Variants in NDFIP2 observed in about 807,000 individuals in gnomAD.
NDFIP2 encodes the protein Nedd4 family interacting protein 2.
In NDFIP2, 19 loss-of-function variants were observed where a neutral mutation model predicts 36.0. That is an observed-to-expected ratio of 0.53 (90% CI 0.37 to 0.77). The LOEUF is 0.77. Among genes scored for constraint, NDFIP2 ranks in the 30% least tolerant of loss-of-function variants. The pLI is 0.00. For synonymous variants in NDFIP2, 181 were observed against 167.7 expected, an observed-to-expected ratio of 1.08 and a Z score of -0.61; for missense variants, 446 against 435.8, an observed-to-expected ratio of 1.02 and a Z score of -0.21.
intron 2 of NDFIP2, among the ~76,000 whole-genome samples, chr13:79,522,495 A>G (rs1028243600): frequency 1.3e-5 from 2 of 152,218 alleles, no homozygotes; most frequent in African/African-American, 4.8e-5. Flanking sequence ...CCAAAATATA[A>G]TAGAGTAAAA....
rs188524588 is a variant in NDFIP2 at position 79,525,193 on chromosome 13, G to A, written c.487+4218G>A. 6.4e-4 allele frequency among the ~76,000 whole-genome samples: 97 copies of A among 152,280 alleles called. 1 individual carries two copies. The highest frequency in any genetic ancestry group is 2.2e-3 in the African/African-American group (92 of 41,562). The stretch of plus-strand genomic sequence containing the variant: ...TTGCTGAAATCTTTGTATAGGCTCA[G>A]TGCCTTCTGGTGCAACACATTGCCA... On this transcript the variant is annotated intron_variant, in intron 2 of 7. Coordinates refer to ENST00000218652, the MANE Select transcript of NDFIP2 (RefSeq NM_019080.3).
chr13:79,481,564 C>G (rs537164968), intron 1 of NDFIP2, 40 bp downstream of exon 1: 1 of 1,515,168 alleles, frequency 6.6e-7, no homozygotes, highest in South Asian at 1.3e-5. Flanking sequence ...GACTGCCTCC[C>G]GCCGCGGCGT....
At chr13:79,540,119 A>G (rs569377957) in intron 4 of NDFIP2, among the ~76,000 whole-genome samples, 1 of 152,324 alleles carries the variant, frequency 6.6e-6, no homozygotes, top group African/African-American at 2.4e-5. Context: ...ATGAAACTAT[A>G]AATTGCACTA....
chr13:79,495,852 CT>C lies in NDFIP2; in HGVS notation c.321+14331del, dbSNP rs202199209. ...TTTCAATATTTCTGTTGCCTTTTAGCTTTCCATGTTTGCTCTTAGATTACAA... is the reference window on the plus strand; with the variant it reads ...TTTCAATATTTCTGTTGCCTTTTAGCTTCCATGTTTGCTCTTAGATTACAA... On this transcript the variant is annotated intron_variant, in intron 1 of 7. Coordinates refer to ENST00000218652, the MANE Select transcript of NDFIP2 (RefSeq NM_019080.3). 7.6e-3 allele frequency among the ~76,000 whole-genome samples: 1,159 copies of C among 151,842 alleles called. 8 individuals are homozygous for C. Among genetic ancestry groups the C allele is most frequent in the African/African-American group, 0.027 (1,100 of 41,444 alleles).
chr13:79,514,625 G>T (rs1874204761), intron 1 of NDFIP2, among the ~76,000 whole-genome samples: 1 of 152,166 alleles, frequency 6.6e-6, no homozygotes, highest in African/African-American at 2.4e-5. Context: ...AGTTAGCTAA[G>T]CAGTGAGGGT....
intron 1 of NDFIP2, among the ~76,000 whole-genome samples, chr13:79,501,822 AG>A (rs1873679235): frequency 6.6e-6 from 1 of 152,036 alleles, no homozygotes; most frequent in South Asian, 2.1e-4. Context: ...GAGTTTGTTG[AG>A]GGAAGAATGA....
chr13:79,515,680 C>G (rs931260259), intron 1 of NDFIP2, among the ~76,000 whole-genome samples: 1 of 152,166 alleles, frequency 6.6e-6, no homozygotes, highest in African/African-American at 2.4e-5. Flanking sequence ...CTGAGCAGCA[C>G]TATTTAATGG....
At chr13:79,493,170 A>G (rs1247541462) in intron 1 of NDFIP2, among the ~76,000 whole-genome samples, 1 of 152,198 alleles carries the variant, frequency 6.6e-6, no homozygotes, top group East Asian at 1.9e-4. Context: ...GTCCTGTTAT[A>G]GGTGCAAAAT....
At chr13:79,501,162 T>G (rs951307401) in intron 1 of NDFIP2, among the ~76,000 whole-genome samples, 1 of 151,960 alleles carries the variant, frequency 6.6e-6, no homozygotes, top group Non-Finnish European at 1.5e-5. Context: ...GGTGTTAGTG[T>G]GGAGGGAGGG....
Position 79,481,233 on chromosome 13 carries a change from C to A in NDFIP2, c.30C>A (p.Cys10Ter). 6.6e-7 allele frequency: 1 copy of A among 1,522,474 alleles called. No homozygotes were observed. The highest frequency in any genetic ancestry group is 8.8e-7 in the Non-Finnish European group (1 of 1,140,516). The allele number at this position is 1,522,474 out of a possible 1,614,324, so 94.3% of individuals were successfully genotyped here. A position where few individuals can be genotyped will look rare whatever the true frequency, so the allele number is the denominator to read the frequency against. The change falls in exon 1 of 8, where the codon TGC becomes TGA. Residue 10 changes from cysteine to a stop codon, truncating the protein, a stop_gained. Coordinates refer to ENST00000218652, the MANE Select transcript of NDFIP2 (RefSeq NM_019080.3). LOFTEE classifies it high-confidence loss of function. Reference sequence around the variant, plus strand: ...CACGCCGGCGGAGCCAGCGAGTCTGCGCGAGCGGTCCGAGCATGCTCAATA... The same window carrying A: ...CACGCCGGCGGAGCCAGCGAGTCTGAGCGAGCGGTCCGAGCATGCTCAATA... MARRRSQRV[C>*]ASGPSMLNSA...
rs1448193675 is a variant in NDFIP2 at position 79,549,593 on chromosome 13, A to T, written c.907+1199A>T. On this transcript the variant is annotated intron_variant, in intron 6 of 7. Transcript: ENST00000218652. ...CTCACATATGCTGAAAAGAATGTTG[A>T]GCACTTTGTAGAATGCTGAGAAACA... Among the ~76,000 whole-genome samples the T allele has an allele frequency of 4.0e-5, 6 of 151,870 alleles. No individual in the cohort carries two copies. In the East Asian group the frequency reaches 9.6e-4, roughly 24 times the overall value.
At chr13:79,526,725 A>AAT (rs907755674) in intron 2 of NDFIP2, among the ~76,000 whole-genome samples, 2 of 152,166 alleles carry the variant, frequency 1.3e-5, no homozygotes, top group Non-Finnish European at 2.9e-5. Flanking sequence ...GAGAGGAGAG[A>AAT]ATTTTAAAAA....
intron 1 of NDFIP2, among the ~76,000 whole-genome samples, chr13:79,504,271 G>A (rs936251646): frequency 6.6e-5 from 10 of 152,018 alleles, no homozygotes; most frequent in African/African-American, 2.4e-4. Context: ...AAGAATTCCT[G>A]TGTATATTTT....
At chr13:79,538,266 A>G (rs1875321173) in intron 3 of NDFIP2, among the ~76,000 whole-genome samples, 1 of 152,090 alleles carries the variant, frequency 6.6e-6, no homozygotes, top group African/African-American at 2.4e-5. Context: ...GAACCATATA[A>G]TTCTGTCCCT....
intron 1 of NDFIP2, among the ~76,000 whole-genome samples, chr13:79,514,904 T>G (rs992139105): frequency 6.6e-6 from 1 of 152,240 alleles, no homozygotes; most frequent in Non-Finnish European, 1.5e-5. Context: ...TTATATCATT[T>G]TCAATAGCAG....
At chr13:79,543,717 C>G (rs1203429522) in intron 5 of NDFIP2, 35 bp downstream of exon 5, 4 of 1,599,314 alleles carry the variant, frequency 2.5e-6, no homozygotes, top group South Asian at 2.3e-5. Context: ...TCTTTTATCT[C>G]TAAAATGAGA....
At chr13:79,548,461 C>G in intron 6 of NDFIP2, 67 bp downstream of exon 6, 6 of 1,169,840 alleles carry the variant, frequency 5.1e-6, no homozygotes, top group Non-Finnish European at 7.5e-6. Context: ...TGTAAATAAA[C>G]TGTGTTGCAA....
rs912254101 is a variant in NDFIP2, at chr13:79,553,633, A to G, written c.*1120A>G. 8 of 152,014 alleles carry G rather than the reference A, an allele frequency of 5.3e-5. No homozygotes were observed. Among genetic ancestry groups the G allele is most frequent in the African/African-American group, 1.2e-4 (5 of 41,406 alleles). The allele number at this position is 152,014 out of a possible 1,614,324, so 9.4% of individuals were successfully genotyped here. On this transcript the variant is annotated 3_prime_UTR_variant, in exon 8 of 8. Transcript: ENST00000218652. ...ACTTTAGGATTAACTTGTAAAAAAC[A>G]TATCCTGAACTGAGATATGCAAAAT... is the stretch of plus-strand genomic sequence containing the variant.
intron 1 of NDFIP2, among the ~76,000 whole-genome samples, chr13:79,491,968 T>G (rs1041527309): frequency 6.6e-6 from 1 of 152,224 alleles, no homozygotes; most frequent in African/African-American, 2.4e-5. Context: ...GGGTTTTGAC[T>G]TGCTTGCTTT....
Sources: gnomAD v4.1 joint callset for allele counts (sites outside exome capture counted in the v4.1 genomes callset) on GRCh38, gnomAD v4.1.1 for gene constraint, MANE v1.5 for transcripts, NCBI Gene and HGNC (gene_info 2026-07-23, HGNC 2026-07-21) for gene names.